Variants in OR1J2 observed in about 807,000 individuals in gnomAD.
OR1J2 encodes olfactory receptor 1J2.
For synonymous variants in OR1J2, 142 were observed against 99.7 expected (o/e 1.42, Z -2.52); for missense variants, 304 against 246.1 (o/e 1.24, Z -1.57).
At chr9:122,569,552 A>G in the OR1J2 span, among the ~76,000 whole-genome samples, 2 of 75,602 alleles carry the variant, frequency 2.6e-5, no homozygotes, top group East Asian at 4.0e-3. Context: ...GGCATATTAC[A>G]TAGAGATTTT....
At chr9:122,549,236 C>T in the OR1J2 span, among the ~76,000 whole-genome samples, 1 of 152,064 alleles carries the variant, frequency 6.6e-6, no homozygotes, top group Admixed American at 6.6e-5. Context: ...CATGGCATCC[C>T]TCTTGTTACC....
At chr9:122,528,715 G>T in the OR1J2 span, among the ~76,000 whole-genome samples, 1,617 of 152,280 alleles carry the variant, frequency 0.011, 34 homozygotes, top group African/African-American at 0.037. Flanking sequence ...AGGCTTCTCA[G>T]GTATTTTGAT....
the OR1J2 span, among the ~76,000 whole-genome samples, chr9:122,501,114 C>CTGT: frequency 6.6e-6 from 1 of 151,992 alleles, no homozygotes; most frequent in Non-Finnish European, 1.5e-5. Context: ...TTAATAAAAG[C>CTGT]TATATTTTGC....
the OR1J2 span, among the ~76,000 whole-genome samples, chr9:122,559,942 C>T: frequency 6.6e-6 from 1 of 152,130 alleles, no homozygotes; most frequent in African/African-American, 2.4e-5. Flanking sequence ...TAAAGTCTCC[C>T]ACTATTATTG....
the OR1J2 span, among the ~76,000 whole-genome samples, chr9:122,516,848 C>G: frequency 1.3e-5 from 2 of 152,138 alleles, no homozygotes; most frequent in Admixed American, 6.6e-5. Context: ...CCTTTCTGCC[C>G]AACTTCATTA....
At chr9:122,488,356 C>T in the OR1J2 span, among the ~76,000 whole-genome samples, 2 of 152,134 alleles carry the variant, frequency 1.3e-5, no homozygotes, top group Non-Finnish European at 2.9e-5. Flanking sequence ...CCAGGGTGGT[C>T]TCAAACTCCT....
At chr9:122,520,398 G>A in the OR1J2 span, among the ~76,000 whole-genome samples, 3 of 152,170 alleles carry the variant, frequency 2.0e-5, no homozygotes, top group Non-Finnish European at 4.4e-5. Context: ...CCTTGCCATA[G>A]AAAAGTTGAA....
At chr9:122,477,022 C>T in the OR1J2 span, 1 of 1,613,670 alleles carries the variant, frequency 6.2e-7, no homozygotes. Context: ...CAAGAGTTTT[C>T]TTAGGGCTCC....
At chr9:122,464,533 G>T in the OR1J2 span, among the ~76,000 whole-genome samples, 1 of 152,180 alleles carries the variant, frequency 6.6e-6, no homozygotes, top group Non-Finnish European at 1.5e-5. Flanking sequence ...AAAGTTCATG[G>T]TGTGTGTCTA....
chr9:122,502,444 C>T, the OR1J2 span, among the ~76,000 whole-genome samples: 1 of 152,206 alleles, frequency 6.6e-6, no homozygotes, highest in African/African-American at 2.4e-5. Flanking sequence ...CATTAGAACA[C>T]GTACCTTGTT....
chr9:122,519,120 A>C, the OR1J2 span: 1 of 1,528,788 alleles, frequency 6.5e-7, no homozygotes, highest in African/African-American at 1.4e-5. Flanking sequence ...CTCTATTTCC[A>C]GCAGAGAGAA....
the OR1J2 span, among the ~76,000 whole-genome samples, chr9:122,542,193 T>C: frequency 6.6e-6 from 1 of 152,226 alleles, no homozygotes; most frequent in Admixed American, 6.5e-5. Flanking sequence ...TGTAACATTT[T>C]ATTATACAAA....
the OR1J2 span, among the ~76,000 whole-genome samples, chr9:122,571,178 C>T: frequency 1.3e-5 from 2 of 152,142 alleles, no homozygotes; most frequent in Non-Finnish European, 2.9e-5. Context: ...GGGTGATTAC[C>T]AATCTTTCTG....
At chr9:122,575,776 T>C in the OR1J2 span, among the ~76,000 whole-genome samples, 4 of 152,196 alleles carry the variant, frequency 2.6e-5, no homozygotes, top group Non-Finnish European at 5.9e-5. Context: ...TAAAATCTTA[T>C]TTAACAAAAA....
At chr9:122,455,685 G>C in the OR1J2 span, among the ~76,000 whole-genome samples, 1 of 151,906 alleles carries the variant, frequency 6.6e-6, no homozygotes, top group Non-Finnish European at 1.5e-5. Context: ...ATTGTCTTTT[G>C]ATATAAAAAA....
the OR1J2 span, among the ~76,000 whole-genome samples, chr9:122,531,125 C>T: frequency 1.3e-5 from 2 of 152,112 alleles, no homozygotes; most frequent in Non-Finnish European, 2.9e-5. Context: ...AGGTCTGCTT[C>T]AAGCCGGATT....
the OR1J2 span, among the ~76,000 whole-genome samples, chr9:122,480,414 A>G: frequency 1.3e-5 from 2 of 152,150 alleles, no homozygotes; most frequent in South Asian, 2.1e-4. Flanking sequence ...AACTTTATAG[A>G]TTATGTTTAT....
chr9:122,556,260 G>A, the OR1J2 span, among the ~76,000 whole-genome samples: 4 of 150,372 alleles, frequency 2.7e-5, no homozygotes, highest in Non-Finnish European at 5.9e-5. Flanking sequence ...TCAGGGAAAG[G>A]TGTAATGTCT....
upstream of OR1J2, among the ~76,000 whole-genome samples, chr9:122,510,301 T>C (rs1200085679): frequency 1.3e-5 from 2 of 152,170 alleles, no homozygotes; most frequent in East Asian, 3.9e-4. Context: ...GAGCAGTAAC[T>C]TGGCTGAAAC....
Sources: allele counts gnomAD v4.1 joint callset (sites outside exome capture counted in the v4.1 genomes callset), GRCh38; gene constraint gnomAD v4.1.1; transcripts MANE v1.5; gene names NCBI Gene and HGNC (gene_info 2026-07-23, HGNC 2026-07-21).